Variants in PDK1 observed in about 807,000 individuals in gnomAD.
The protein encoded by PDK1 is pyruvate dehydrogenase kinase 1.
In PDK1, 39 loss-of-function variants were observed where a neutral mutation model predicts 54.2. That is an observed-to-expected ratio of 0.72 (90% CI 0.56 to 0.94). PDK1 has a LOEUF of 0.94. Among genes scored for constraint, PDK1 ranks in the 40% least tolerant of loss-of-function variants. PDK1 has a pLI of 0.00. For synonymous variants in PDK1, 221 were observed against 207.1 expected (o/e 1.07, Z -0.58); for missense variants, 552 against 566.0 (o/e 0.98, Z 0.25).
chr2:172,713,369 A>C, the PDK1 span, among the ~76,000 whole-genome samples: 1 of 151,994 alleles, frequency 6.6e-6, no homozygotes, highest in African/African-American at 2.4e-5. Context: ...TTTATGGGGG[A>C]CTAGCTCCTT....
rs1349179817 is a variant in PDK1, at chr2:172,606,051, T to TA, written c.*10083dup. 2.0e-5 allele frequency: 3 copies of TA among 152,354 alleles called. No homozygotes were observed. The highest frequency in any genetic ancestry group is 7.2e-5 in the African/African-American group (3 of 41,572). 9.4% of individuals were successfully genotyped at this position (152,354 alleles called of 1,614,324 possible). A position where few individuals can be genotyped will look rare whatever the true frequency, so the allele number is the denominator to read the frequency against. ...ACATAAAACCATTTAATTTCATAGA[T>TA]ACCTTCAGTGGTGGCATCACTGGGT... is the stretch of plus-strand genomic sequence containing the variant. On this transcript the variant is annotated 3_prime_UTR_variant, in exon 11 of 11. Coordinates refer to ENST00000282077, the MANE Select transcript of PDK1 (RefSeq NM_002610.5).
the PDK1 span, among the ~76,000 whole-genome samples, chr2:172,638,455 A>G: frequency 6.6e-6 from 1 of 152,266 alleles, no homozygotes; most frequent in Admixed American, 6.5e-5. Context: ...CCACTGAAAT[A>G]TTAACGTGTA....
the PDK1 span, among the ~76,000 whole-genome samples, chr2:172,697,883 T>A: frequency 6.6e-6 from 1 of 152,194 alleles, no homozygotes; most frequent in African/African-American, 2.4e-5. Flanking sequence ...ATCCTCACCA[T>A]ATGCTACTTG....
At chr2:172,618,837 G>A in the PDK1 span, among the ~76,000 whole-genome samples, 1 of 152,136 alleles carries the variant, frequency 6.6e-6, no homozygotes, top group Non-Finnish European at 1.5e-5. Flanking sequence ...CCAGAGTTGG[G>A]GATGGCTCTT....
At chr2:172,626,287 T>G in the PDK1 span, among the ~76,000 whole-genome samples, 1 of 152,148 alleles carries the variant, frequency 6.6e-6, no homozygotes, top group Non-Finnish European at 1.5e-5. Flanking sequence ...TGATTTTGCT[T>G]TTGAAGGTAG....
chr2:172,653,181 T>A, the PDK1 span, among the ~76,000 whole-genome samples: 1 of 152,082 alleles, frequency 6.6e-6, no homozygotes, highest in South Asian at 2.1e-4. Context: ...TCTACAACCA[T>A]CTGATCTTTC....
chr2:172,627,582 C>T, the PDK1 span, among the ~76,000 whole-genome samples: 5 of 152,114 alleles, frequency 3.3e-5, no homozygotes, highest in African/African-American at 1.2e-4. Flanking sequence ...CCTTGGACAT[C>T]AGATGTGAGA....
At chr2:172,665,039 T>C in the PDK1 span, among the ~76,000 whole-genome samples, 2 of 152,216 alleles carry the variant, frequency 1.3e-5, no homozygotes, top group Non-Finnish European at 2.9e-5. Context: ...TTGGTTTTAT[T>C]TGATGGGATA....
At chr2:172,570,957 G>C in intron 8 of PDK1, 133 bp downstream of exon 8, 1 of 587,034 alleles carries the variant, frequency 1.7e-6, no homozygotes, top group Admixed American at 3.1e-5. Flanking sequence ...GTCTGTAATA[G>C]ATAATAAGCA....
At chr2:172,643,338 A>G in the PDK1 span, among the ~76,000 whole-genome samples, 1 of 152,268 alleles carries the variant, frequency 6.6e-6, no homozygotes, top group East Asian at 1.9e-4. Context: ...GAGTCATTCA[A>G]ACTTAACGCC....
At chr2:172,616,518 AC>A in the PDK1 span, among the ~76,000 whole-genome samples, 2 of 152,116 alleles carry the variant, frequency 1.3e-5, no homozygotes, top group Non-Finnish European at 2.9e-5. Context: ...ATGAAAACCT[AC>A]GTTTTTTGAA....
chr2:172,592,173 GACA>G (rs1690625465), intron 9 of PDK1, among the ~76,000 whole-genome samples: 1 of 152,366 alleles, frequency 6.6e-6, no homozygotes, highest in Admixed American at 6.5e-5. Context: ...TGTTTACACT[GACA>G]ACAAGGTGGT....
chr2:172,661,652 G>T, the PDK1 span, among the ~76,000 whole-genome samples: 2 of 152,188 alleles, frequency 1.3e-5, no homozygotes, highest in African/African-American at 4.8e-5. Flanking sequence ...TATGTCCTTT[G>T]CAGCAACATG....
chr2:172,630,937 C>CA, the PDK1 span, among the ~76,000 whole-genome samples: 1 of 152,150 alleles, frequency 6.6e-6, no homozygotes, highest in East Asian at 1.9e-4. Flanking sequence ...GCCACCCTCT[C>CA]ATGGAACCTT....
chr2:172,714,719 A>G, the PDK1 span, among the ~76,000 whole-genome samples: 7 of 152,178 alleles, frequency 4.6e-5, no homozygotes, highest in African/African-American at 1.7e-4. Context: ...GTCAATAGAT[A>G]TGTATTACTT....
chr2:172,668,932 GA>G, the PDK1 span, among the ~76,000 whole-genome samples: 2 of 141,706 alleles, frequency 1.4e-5, no homozygotes, highest in East Asian at 2.0e-4. Context: ...GAGAGAGAGA[GA>G]GAGAGAAAGA....
At chr2:172,636,955 T>C in the PDK1 span, among the ~76,000 whole-genome samples, 4 of 152,164 alleles carry the variant, frequency 2.6e-5, no homozygotes, top group Non-Finnish European at 5.9e-5. Context: ...ACTCAAACCG[T>C]ACCAAAGGGT....
chr2:172,598,893 C>T lies in PDK1; in HGVS notation c.*2924C>T, dbSNP rs1691014490. 6.6e-6 allele frequency: 1 copy of T among 152,012 alleles called. No homozygotes were observed. Among genetic ancestry groups the T allele is most frequent in the Non-Finnish European group, 1.5e-5 (1 of 67,984 alleles). 9.4% of individuals were successfully genotyped at this position (152,012 alleles called of 1,614,324 possible). A position where few individuals can be genotyped will look rare whatever the true frequency, so the allele number is the denominator to read the frequency against. ...TCAAGGCTCAACATTTTGTAAGCAT[C>T]CAAAAAATTGGTAATTAGGGGGCTT... On this transcript the variant is annotated 3_prime_UTR_variant, in exon 11 of 11. Coordinates refer to ENST00000282077, the MANE Select transcript of PDK1 (RefSeq NM_002610.5).
chr2:172,678,478 T>G, the PDK1 span, among the ~76,000 whole-genome samples: 2 of 152,194 alleles, frequency 1.3e-5, no homozygotes, highest in African/African-American at 4.8e-5. Flanking sequence ...TTTAACAGTC[T>G]ATTAGTACTA....
Sources: allele counts gnomAD v4.1 joint callset (sites outside exome capture counted in the v4.1 genomes callset), GRCh38; gene constraint gnomAD v4.1.1; transcripts MANE v1.5; gene names NCBI Gene and HGNC (gene_info 2026-07-23, HGNC 2026-07-21).